NR2F1-AS1: variants seen among roughly 807,000 people sequenced by gnomAD.
NR2F1-AS1 encodes the protein NR2F1 regulatory antisense RNA 1.
intron 2 of NR2F1-AS1, among the ~76,000 whole-genome samples, chr5:93,561,717 G>A (rs1202005854): frequency 6.6e-6 from 1 of 151,858 alleles, no homozygotes; most frequent in African/African-American, 2.4e-5. Context: ...AGGCTGCAGT[G>A]AGCTGTGTTG....
intron 4 of NR2F1-AS1, among the ~76,000 whole-genome samples, chr5:93,420,290 G>C (rs953199455): frequency 6.6e-5 from 10 of 152,310 alleles, no homozygotes; most frequent in African/African-American, 2.4e-4. Context: ...GCTCTTGGTA[G>C]GCAGGCCCTT....
At chr5:93,458,122 T>C (rs1749993158) in intron 4 of NR2F1-AS1, among the ~76,000 whole-genome samples, 1 of 151,866 alleles carries the variant, frequency 6.6e-6, no homozygotes, top group African/African-American at 2.4e-5. Context: ...ATGAAAGACA[T>C]GAGGAAAGAA....
intron 4 of NR2F1-AS1, chr5:93,432,362 TA>T (rs1749345362): frequency 6.6e-6 from 1 of 152,164 alleles, no homozygotes; most frequent in African/African-American, 2.4e-5. Flanking sequence ...TCCAAGTACT[TA>T]CCATGATCAT....
chr5:93,473,064 A>G (rs941466324), intron 4 of NR2F1-AS1, among the ~76,000 whole-genome samples: 1 of 151,938 alleles, frequency 6.6e-6, no homozygotes, highest in African/African-American at 2.4e-5. Flanking sequence ...GTAAATTTCC[A>G]AAGTTCAAAT....
At chr5:93,536,034 T>C (rs1040237398) in intron 4 of NR2F1-AS1, among the ~76,000 whole-genome samples, 2 of 152,162 alleles carry the variant, frequency 1.3e-5, no homozygotes, top group Non-Finnish European at 2.9e-5. Flanking sequence ...CATGATCTTA[T>C]ATATAGAAAA....
At chr5:93,530,867 T>C (rs1027472974) in intron 4 of NR2F1-AS1, among the ~76,000 whole-genome samples, 1 of 152,150 alleles carries the variant, frequency 6.6e-6, no homozygotes, top group Non-Finnish European at 1.5e-5. Context: ...CTCAGTGATT[T>C]GTCTAAGGTT....
chr5:93,527,755 C>T (rs1410192293), intron 4 of NR2F1-AS1, among the ~76,000 whole-genome samples: 1 of 152,140 alleles, frequency 6.6e-6, no homozygotes, highest in African/African-American at 2.4e-5. Flanking sequence ...GAAAGGACTC[C>T]CTATTTAATA....
intron 4 of NR2F1-AS1, chr5:93,410,527 T>C (rs1051531055): frequency 1.3e-5 from 2 of 152,258 alleles, no homozygotes; most frequent in African/African-American, 4.8e-5. Context: ...CAAACCCTAC[T>C]GTGAACTGTG....
At chr5:93,559,194 T>A (rs764071345) in intron 2 of NR2F1-AS1, among the ~76,000 whole-genome samples, 1 of 152,268 alleles carries the variant, frequency 6.6e-6, no homozygotes, top group Non-Finnish European at 1.5e-5. Flanking sequence ...AACTTGCTAT[T>A]GCTTCTACAG....
intron 4 of NR2F1-AS1, among the ~76,000 whole-genome samples, chr5:93,468,567 T>A (rs1428385957): frequency 6.6e-6 from 1 of 152,218 alleles, no homozygotes; most frequent in African/African-American, 2.4e-5. Flanking sequence ...GATGAGTAGA[T>A]TGCAAAAATT....
At chr5:93,492,450 TA>T (rs1320929364) in intron 4 of NR2F1-AS1, among the ~76,000 whole-genome samples, 1 of 151,368 alleles carries the variant, frequency 6.6e-6, no homozygotes, top group Admixed American at 6.6e-5. Flanking sequence ...TACCAAACAC[TA>T]AATTCTACCA....
intron 4 of NR2F1-AS1, among the ~76,000 whole-genome samples, chr5:93,434,896 T>C (rs1052202206): frequency 5.3e-5 from 8 of 152,216 alleles, no homozygotes; most frequent in African/African-American, 1.9e-4. Flanking sequence ...TTCTTCTCAG[T>C]GAATCACATC....
At chr5:93,447,760 G>A (rs892475347) in intron 4 of NR2F1-AS1, among the ~76,000 whole-genome samples, 4 of 151,008 alleles carry the variant, frequency 2.6e-5, no homozygotes, top group African/African-American at 4.9e-5. Flanking sequence ...CCCACATTGC[G>A]GCACTATTCA....
chr5:93,486,324 A>G (rs1037380719), intron 4 of NR2F1-AS1, among the ~76,000 whole-genome samples: 4 of 151,992 alleles, frequency 2.6e-5, no homozygotes, highest in Admixed American at 6.5e-5. Flanking sequence ...TTTTTTTTTA[A>G]ATATCAACAA....
At chr5:93,421,993 T>C (rs551586708) in intron 4 of NR2F1-AS1, among the ~76,000 whole-genome samples, 11 of 152,346 alleles carry the variant, frequency 7.2e-5, no homozygotes, top group Non-Finnish European at 1.2e-4. Context: ...TCTCAAAGCA[T>C]GTGCCACCAT....
intron 4 of NR2F1-AS1, among the ~76,000 whole-genome samples, chr5:93,470,855 T>C (rs1014245703): frequency 6.6e-6 from 1 of 151,980 alleles, no homozygotes; most frequent in African/African-American, 2.4e-5. Flanking sequence ...GTAATGTATA[T>C]TGCCGATAAT....
At chr5:93,517,687 C>T (rs1344252871) in intron 4 of NR2F1-AS1, among the ~76,000 whole-genome samples, 1 of 151,916 alleles carries the variant, frequency 6.6e-6, no homozygotes, top group East Asian at 1.9e-4. Context: ...TGTTACTAAG[C>T]AATAATAATC....
chr5:93,434,332 C>CT (rs1554062398), intron 4 of NR2F1-AS1, among the ~76,000 whole-genome samples: 2 of 152,116 alleles, frequency 1.3e-5, no homozygotes, highest in Non-Finnish European at 2.9e-5. Context: ...TTGTTTTCAA[C>CT]TTTTTATTTT....
intron 4 of NR2F1-AS1, among the ~76,000 whole-genome samples, chr5:93,468,385 T>C (rs1180264926): frequency 1.3e-5 from 2 of 152,256 alleles, no homozygotes; most frequent in Non-Finnish European, 2.9e-5. Context: ...TTGATTTGCA[T>C]TTCTCTGATG....
Sources: allele counts gnomAD v4.1 joint callset (sites outside exome capture counted in the v4.1 genomes callset), GRCh38; gene constraint gnomAD v4.1.1; transcripts MANE v1.5; gene names NCBI Gene and HGNC (gene_info 2026-07-23, HGNC 2026-07-21).